C9orf85: variants seen among roughly 807,000 people sequenced by gnomAD.
C9orf85 encodes the protein uncharacterized protein C9orf85.
In C9orf85, 16 loss-of-function variants were observed where a neutral mutation model predicts 14.9. That is an observed-to-expected ratio of 1.08 (90% CI 0.73 to 1.63). The LOEUF is 1.63. C9orf85 is among the 40% of genes most tolerant of loss of function. The pLI is 0.00. For synonymous variants in C9orf85, 45 were observed against 56.8 expected (o/e 0.79, Z 0.93); for missense variants, 172 against 186.1 (o/e 0.92, Z 0.44).
chr9:71,977,291 T>C (rs1823021528), downstream of C9orf85, among the ~76,000 whole-genome samples: 1 of 152,276 alleles, frequency 6.6e-6, no homozygotes. Flanking sequence ...GAAATTCTGT[T>C]ACTTTCAGTC....
intron 1 of C9orf85, 146 bp from the exon 2 acceptor site, chr9:71,946,860 A>G: frequency 2.0e-6 from 1 of 505,406 alleles, no homozygotes. Flanking sequence ...AGTAATATAC[A>G]TAAAAATACA....
At chr9:71,952,585 C>CTCG (rs1015091526) in intron 2 of C9orf85, among the ~76,000 whole-genome samples, 1 of 152,116 alleles carries the variant, frequency 6.6e-6, no homozygotes, top group Non-Finnish European at 1.5e-5. Flanking sequence ...CCAGGATGGT[C>CTCG]ACCTCGTGAC....
downstream of C9orf85, among the ~76,000 whole-genome samples, chr9:71,975,170 TG>T (rs1250066617): frequency 6.6e-6 from 1 of 151,996 alleles, no homozygotes; most frequent in Non-Finnish European, 1.5e-5. Context: ...AAGTGGAGGC[TG>T]GGTGAGTTGG....
intron 1 of C9orf85, among the ~76,000 whole-genome samples, chr9:71,931,251 CT>C (rs1194332093): frequency 1.3e-5 from 2 of 152,184 alleles, no homozygotes; most frequent in Non-Finnish European, 2.9e-5. Context: ...GATAGCTCTT[CT>C]GGATTCCTGA....
intron 2 of C9orf85, among the ~76,000 whole-genome samples, chr9:71,965,036 G>A (rs915647766): frequency 3.3e-5 from 5 of 152,188 alleles, no homozygotes; most frequent in Admixed American, 1.3e-4. Flanking sequence ...GGTCTGCGAC[G>A]GCAGCAAACA....
intron 1 of C9orf85, among the ~76,000 whole-genome samples, chr9:71,916,272 G>A (rs929806656): frequency 2.0e-5 from 3 of 152,014 alleles, no homozygotes; most frequent in African/African-American, 4.8e-5. Context: ...ATCCTTTTGA[G>A]GATGCTATTA....
chr9:71,961,885 T>G (rs948994803), intron 2 of C9orf85, among the ~76,000 whole-genome samples: 2 of 152,230 alleles, frequency 1.3e-5, no homozygotes, highest in African/African-American at 4.8e-5. Context: ...AAATATTTTG[T>G]ACCCGTTATG....
At chr9:71,950,442 A>C (rs1822215438) in intron 2 of C9orf85, among the ~76,000 whole-genome samples, 1 of 152,120 alleles carries the variant, frequency 6.6e-6, no homozygotes, top group African/African-American at 2.4e-5. Flanking sequence ...GTCTCAGCTC[A>C]CTGCAGCCTC....
chr9:71,952,387 C>T (rs1411655175), intron 2 of C9orf85, among the ~76,000 whole-genome samples: 11 of 152,042 alleles, frequency 7.2e-5, no homozygotes, highest in African/African-American at 9.7e-5. Flanking sequence ...TTTTTTGAGA[C>T]GGAGTCTCGC....
At chr9:71,966,092 T>G (rs565823572) in intron 2 of C9orf85, among the ~76,000 whole-genome samples, 1 of 152,222 alleles carries the variant, frequency 6.6e-6, no homozygotes, top group Non-Finnish European at 1.5e-5. Flanking sequence ...CTGCTGAGTG[T>G]TCAAACTGTT....
chr9:71,982,187 C>T lies in C9orf85; in HGVS notation c.324-470C>T, dbSNP rs1027347783. On this transcript the variant is annotated intron_variant, in intron 3 of 3. Transcript: ENST00000377031. ...GTCTAGCTCCATTCACCTTACATGACATTTTTGAGGTAGAGCCATGTTAAA... is the reference window on the plus strand; with the variant it reads ...GTCTAGCTCCATTCACCTTACATGATATTTTTGAGGTAGAGCCATGTTAAA... Among the ~76,000 whole-genome samples, 5 of 151,812 alleles carry T rather than the reference C, an allele frequency of 3.3e-5. No individual in the cohort carries two copies. In the South Asian group the frequency reaches 6.2e-4, roughly 19 times the overall value.
chr9:71,938,541 A>T (rs1828248144), intron 1 of C9orf85, among the ~76,000 whole-genome samples: 1 of 152,046 alleles, frequency 6.6e-6, no homozygotes, highest in Admixed American at 6.5e-5. Flanking sequence ...ACAGTGGCAA[A>T]TAAAACAAGA....
At position 71,911,771 on chromosome 9, in the gene C9orf85, C is replaced by G; in HGVS notation, c.37C>G (p.Pro13Ala). 1 of 1,614,156 alleles carries G rather than the reference C, an allele frequency of 6.2e-7. No homozygotes were observed. The change falls in exon 1 of 4, where the codon CCT (proline) becomes GCT (alanine). Residue 13 changes from proline to alanine, a missense_variant. Pro to Ala is a conservative substitution (Grantham distance 27, BLOSUM62 -1). Coordinates refer to ENST00000334731, the MANE Select transcript of C9orf85 (RefSeq NM_182505.5). The part of the protein sequence containing the change: ...SQKGNVARSR[P>A]QKHQNTFSFK... The stretch of plus-strand genomic sequence containing the variant: ...GAAAGGCAACGTGGCTCGTTCCAGA[C>G]CTCAGAAGCACCAGAATACGTTTAG...
chr9:71,920,150 A>G (rs1325219369), intron 1 of C9orf85, among the ~76,000 whole-genome samples: 2 of 152,068 alleles, frequency 1.3e-5, no homozygotes, highest in Admixed American at 1.3e-4. Context: ...TGCCCAGCCT[A>G]AAGCATGTTT....
chr9:71,973,025 A>G lies in C9orf85; in HGVS notation c.*183A>G, dbSNP rs541649474. On this transcript the variant is annotated 3_prime_UTR_variant, in exon 4 of 4. Coordinates refer to ENST00000334731, the MANE Select transcript of C9orf85 (RefSeq NM_182505.5). ...CTGGGCGTGGTGGCTCATGCCTGTAATCCCAGCTACTCAGGAGGCTGAGGC... is the reference window on the plus strand; with the variant it reads ...CTGGGCGTGGTGGCTCATGCCTGTAGTCCCAGCTACTCAGGAGGCTGAGGC... The G allele has an allele frequency of 4.0e-5, 12 of 299,394 alleles. No individual in the cohort carries two copies. Among genetic ancestry groups the G allele is most frequent in the Non-Finnish European group, 7.8e-5 (12 of 154,584 alleles). 18.5% of individuals were successfully genotyped at this position (299,394 alleles called of 1,614,324 possible).
intron 1 of C9orf85, among the ~76,000 whole-genome samples, chr9:71,944,827 G>T (rs1008550771): frequency 2.0e-5 from 3 of 152,066 alleles, no homozygotes; most frequent in Non-Finnish European, 4.4e-5. Flanking sequence ...TAAAAATCAA[G>T]TTTAATTTGA....
rs969277165 is a variant in C9orf85 at position 71,961,101 on chromosome 9, G to A, written c.210-10404G>A. ...CTATTTTTGTATTTTCAGTAGAGAC[G>A]GGATTTCTCCATGTTGGTCAGGCTG... On this transcript the variant is annotated intron_variant, in intron 2 of 3. Coordinates refer to ENST00000334731, the MANE Select transcript of C9orf85 (RefSeq NM_182505.5). Among the ~76,000 whole-genome samples the A allele has an allele frequency of 2.0e-4, 30 of 151,784 alleles. 1 individual carries two copies. The highest frequency in any genetic ancestry group is 5.1e-4 in the African/African-American group (21 of 41,360).
intron 3 of C9orf85, among the ~76,000 whole-genome samples, chr9:71,980,661 T>A (rs967369508): frequency 6.6e-6 from 1 of 152,166 alleles, no homozygotes; most frequent in Admixed American, 6.5e-5. Context: ...GAAAAACATA[T>A]AATGAGTAAT....
At chr9:71,927,649 A>G (rs1827963351) in intron 1 of C9orf85, among the ~76,000 whole-genome samples, 1 of 152,180 alleles carries the variant, frequency 6.6e-6, no homozygotes, top group Admixed American at 6.5e-5. Context: ...TAGCTGGGAG[A>G]TAAGACCAGT....
Sources: gnomAD v4.1 joint callset for allele counts (sites outside exome capture counted in the v4.1 genomes callset) on GRCh38, gnomAD v4.1.1 for gene constraint, MANE v1.5 for transcripts, NCBI Gene and HGNC (gene_info 2026-07-23, HGNC 2026-07-21) for gene names.